Variants in PCDHA3 observed in about 807,000 individuals in gnomAD.
The protein encoded by PCDHA3 is protocadherin alpha-3.
In PCDHA3, 41 loss-of-function variants were observed where a neutral mutation model predicts 62.2. The observed-to-expected ratio is 0.66, with a 90% confidence interval of 0.51 to 0.86. The LOEUF is 0.86. Among genes scored for constraint, PCDHA3 ranks in the 40% least tolerant of loss-of-function variants. The probability of loss-of-function intolerance (pLI) is 0.00; values close to 1 mark genes in which losing one functional copy is unlikely to be tolerated. For synonymous variants in PCDHA3, 640 were observed against 555.4 expected (o/e 1.15, Z -2.14); for missense variants, 1,304 against 1,241.2 (o/e 1.05, Z -0.76).
At chr5:140,829,637 A>C in intron 1 of PCDHA3, 5 of 1,612,300 alleles carry the variant, frequency 3.1e-6, no homozygotes, top group Non-Finnish European at 4.2e-6. Context: ...GGAGAGCGGC[A>C]AGGTGTACGC....
intron 1 of PCDHA3, chr5:140,842,003 C>G: frequency 6.2e-7 from 1 of 1,613,776 alleles, no homozygotes; most frequent in Non-Finnish European, 8.5e-7. Flanking sequence ...CACTGTTCAG[C>G]TGCTGGTCAC....
intron 1 of PCDHA3, chr5:140,858,337 C>G (rs782748390): frequency 6.3e-7 from 1 of 1,595,568 alleles, no homozygotes; most frequent in Admixed American, 1.7e-5. Context: ...AGGGCCTGCC[C>G]AAGGCGGACC....
chr5:140,969,095 C>T, intron 1 of PCDHA3: 1 of 1,614,168 alleles, frequency 6.2e-7, no homozygotes, highest in East Asian at 2.2e-5. Flanking sequence ...AGTGCAGCCT[C>T]ACTTCATTGA....
At chr5:140,998,720 A>G (rs1554256437) in intron 3 of PCDHA3, among the ~76,000 whole-genome samples, 1 of 152,092 alleles carries the variant, frequency 6.6e-6, no homozygotes, top group African/African-American at 2.4e-5. Context: ...TTGCACCACC[A>G]CGCTAGGCTA....
At chr5:140,994,485 C>T (rs573689251) in intron 3 of PCDHA3, among the ~76,000 whole-genome samples, 2 of 152,146 alleles carry the variant, frequency 1.3e-5, no homozygotes, top group South Asian at 2.1e-4. Flanking sequence ...GGTGGATTGC[C>T]TGAACCCAGG....
chr5:140,894,375 T>A (rs1246573357), intron 1 of PCDHA3, among the ~76,000 whole-genome samples: 1 of 152,054 alleles, frequency 6.6e-6, no homozygotes, highest in African/African-American at 2.4e-5. Flanking sequence ...ATGGCTCCAA[T>A]TATATTTGTA....
chr5:140,882,280 C>T lies in PCDHA3; in HGVS notation c.2394+78689C>T, dbSNP rs531486554. On this transcript the variant is annotated intron_variant, in intron 1 of 3. Transcript: ENST00000522353. ...TTTTGGAGTGTACCATGCTGTCTTCCTGGCAAGGAGGCCCAAGACCGCGGC... is the reference window on the plus strand; with the variant it reads ...TTTTGGAGTGTACCATGCTGTCTTCTTGGCAAGGAGGCCCAAGACCGCGGC... 1.0e-4 allele frequency: 164 copies of T among 1,612,564 alleles called. 4 individuals are homozygous for T. The South Asian group carries it at 1.7e-3, about 16-fold the overall frequency.
At position 140,993,462 on chromosome 5, in the gene PCDHA3, TCACACACACACACACACACA is replaced by T. The variant is rs3836747; in HGVS notation, c.2542+10927_2542+10946del. ...CATTCCTGTTCTCCTTCTTTCTTTC[TCACACACACACACACACACA>T]CACACACACACACACACACACACAC... On this transcript the variant is annotated intron_variant, in intron 3 of 3. Coordinates refer to ENST00000522353, the MANE Select transcript of PCDHA3 (RefSeq NM_018906.3). Among the ~76,000 whole-genome samples the T allele has an allele frequency of 7.1e-5, 10 of 141,044 alleles. No individual in the cohort carries two copies. In the South Asian group the frequency reaches 9.5e-4, roughly 13 times the overall value. The allele number at this position is 141,044 out of a possible 152,430, so 92.5% of individuals were successfully genotyped here.
intron 1 of PCDHA3, among the ~76,000 whole-genome samples, chr5:140,897,653 G>A (rs1446334429): frequency 1.3e-5 from 2 of 152,100 alleles, no homozygotes; most frequent in Non-Finnish European, 2.9e-5. Flanking sequence ...AAACATACGT[G>A]TGCATGTGTC....
intron 1 of PCDHA3, chr5:140,868,455 A>C (rs2050469160): frequency 6.6e-6 from 1 of 152,444 alleles, no homozygotes; most frequent in Non-Finnish European, 1.5e-5. Flanking sequence ...TAAACACTAA[A>C]GAGCTGCTTT....
chr5:140,942,618 GT>G (rs1372135994), intron 1 of PCDHA3, among the ~76,000 whole-genome samples: 1 of 97,742 alleles, frequency 1.0e-5, no homozygotes, highest in African/African-American at 5.0e-5. Context: ...TTTGCCAATT[GT>G]AAAAAAAAAA....
At chr5:140,838,077 AGTG>A (rs1434205895) in intron 1 of PCDHA3, among the ~76,000 whole-genome samples, 27 of 80,700 alleles carry the variant, frequency 3.3e-4, no homozygotes, top group Middle Eastern at 7.4e-3. Flanking sequence ...ATATATATAT[AGTG>A]TGTGTGTGTG....
chr5:140,908,967 G>C (rs1039870615), intron 1 of PCDHA3, among the ~76,000 whole-genome samples: 4 of 152,076 alleles, frequency 2.6e-5, no homozygotes, highest in Non-Finnish European at 5.9e-5. Context: ...ATCTTGATAG[G>C]CCCCACTCCA....
At chr5:141,007,459 T>A (rs1323177537) in intron 3 of PCDHA3, among the ~76,000 whole-genome samples, 1 of 149,426 alleles carries the variant, frequency 6.7e-6, no homozygotes, top group Non-Finnish European at 1.5e-5. Context: ...TCCCAGCTAC[T>A]CAGGAGGCTG....
At chr5:140,819,221 T>C (rs2150103384) in intron 1 of PCDHA3, among the ~76,000 whole-genome samples, 1 of 152,322 alleles carries the variant, frequency 6.6e-6, no homozygotes, top group East Asian at 1.9e-4. Context: ...ATACAATTGC[T>C]TCAACATTTC....
At chr5:140,856,229 C>G (rs17844338) in intron 1 of PCDHA3, 1 of 1,597,934 alleles carries the variant, frequency 6.3e-7, no homozygotes, top group South Asian at 1.1e-5. Context: ...GCTGGTGCAG[C>G]GCCTGTTCCG....
intron 1 of PCDHA3, chr5:140,866,746 G>A (rs1264233885): frequency 6.6e-6 from 1 of 152,118 alleles, no homozygotes; most frequent in Admixed American, 6.5e-5. Flanking sequence ...ATACTTATAT[G>A]ACTAACAGGA....
rs2150325342 is a variant in PCDHA3, at chr5:140,841,910, A to T, written c.2394+38319A>T. 3.1e-6 allele frequency: 5 copies of T among 1,613,810 alleles called. No individual in the cohort carries two copies. In the African/African-American group the frequency reaches 6.7e-5, roughly 22 times the overall value. ...GAATAAACTGGTTGAGCTCGTATTA[A>T]GAAAATCCTTGGACAGAGAGGACGC... is the stretch of plus-strand genomic sequence containing the variant. On this transcript the variant is annotated intron_variant, in intron 1 of 3. Coordinates refer to ENST00000522353, the MANE Select transcript of PCDHA3 (RefSeq NM_018906.3).
chr5:140,813,190 T>C (rs1056157479), intron 1 of PCDHA3: 3 of 152,244 alleles, frequency 2.0e-5, no homozygotes, highest in South Asian at 4.1e-4. Flanking sequence ...CTCTGCTTCC[T>C]TGCTGATTTT....
Sources: gnomAD v4.1 joint callset for allele counts (sites outside exome capture counted in the v4.1 genomes callset) on GRCh38, gnomAD v4.1.1 for gene constraint, MANE v1.5 for transcripts, NCBI Gene and HGNC (gene_info 2026-07-23, HGNC 2026-07-21) for gene names.